Variants in ARHGAP25 observed in about 807,000 individuals in gnomAD.
The protein encoded by ARHGAP25 is Rho GTPase activating protein 25.
A neutral mutation model predicts 71.0 loss-of-function variants in ARHGAP25; 34 were observed. The observed-to-expected ratio is 0.48, with a 90% confidence interval of 0.36 to 0.64. The LOEUF (loss-of-function observed/expected upper bound fraction) is 0.64. ARHGAP25 is among the 30% of genes least tolerant of loss of function. The probability of loss-of-function intolerance (pLI) is 0.00; values close to 1 mark genes in which losing one functional copy is unlikely to be tolerated. For missense variants in ARHGAP25, 706 were observed against 805.1 expected (o/e 0.88, Z 1.49); for synonymous variants, 282 against 296.5 (o/e 0.95, Z 0.50).
intron 3 of ARHGAP25, among the ~76,000 whole-genome samples, chr2:68,783,803 C>T (rs143718376): frequency 6.6e-6 from 1 of 152,252 alleles, no homozygotes; most frequent in African/African-American, 2.4e-5. Flanking sequence ...TCCTCTCTTT[C>T]TCTTCAGAGG....
At chr2:68,712,777 A>G (rs1028485001) in intron 2 of ARHGAP25, among the ~76,000 whole-genome samples, 3 of 152,144 alleles carry the variant, frequency 2.0e-5, no homozygotes, top group South Asian at 4.1e-4. Flanking sequence ...TCCTTTCCCT[A>G]TTGCTCGTTT....
At chr2:68,766,714 TTC>T (rs140846028) in intron 1 of ARHGAP25, among the ~76,000 whole-genome samples, 50 of 147,650 alleles carry the variant, frequency 3.4e-4, no homozygotes, top group Middle Eastern at 3.5e-3. Context: ...CTCTCTCCCC[TTC>T]TCTCTCTCTC....
upstream of ARHGAP25, among the ~76,000 whole-genome samples, chr2:68,734,560 G>C (rs1346806527): frequency 6.6e-6 from 1 of 152,180 alleles, no homozygotes; most frequent in Non-Finnish European, 1.5e-5. Context: ...TGATCCGTTA[G>C]GTGAGGAAGA....
upstream of ARHGAP25, among the ~76,000 whole-genome samples, chr2:68,732,917 A>G (rs1675061948): frequency 6.6e-6 from 1 of 152,192 alleles, no homozygotes; most frequent in African/African-American, 2.4e-5. Flanking sequence ...TTAGTTTGAG[A>G]TGGCTACTAT....
At position 68,780,922 on chromosome 2, in the gene ARHGAP25, C is replaced by T. The variant is rs1327945566; in HGVS notation, c.262-1311C>T. Reference sequence around the variant, plus strand: ...ACTCAACTCAGAATCAGGCCTGCTACCTTCAACAGCCAGCGAGGTGTAAAT... The same window carrying T: ...ACTCAACTCAGAATCAGGCCTGCTATCTTCAACAGCCAGCGAGGTGTAAAT... On this transcript the variant is annotated intron_variant, in intron 2 of 10. Coordinates refer to ENST00000409202, the MANE Select transcript of ARHGAP25 (RefSeq NM_001007231.3). Among the ~76,000 whole-genome samples the T allele has an allele frequency of 3.9e-5, 6 of 152,184 alleles. No individual in the cohort carries two copies. In the East Asian group the frequency reaches 1.2e-3, roughly 29 times the overall value.
At chr2:68,761,898 A>G (rs1221603679) in intron 1 of ARHGAP25, among the ~76,000 whole-genome samples, 1 of 152,230 alleles carries the variant, frequency 6.6e-6, no homozygotes, top group Non-Finnish European at 1.5e-5. Flanking sequence ...TACTCAAAGA[A>G]TTGAAAACAG....
chr2:68,803,196 A>G (rs145700194), intron 4 of ARHGAP25, among the ~76,000 whole-genome samples: 49 of 152,354 alleles, frequency 3.2e-4, no homozygotes, highest in Non-Finnish European at 6.0e-4. Flanking sequence ...GATGGAGCAC[A>G]GTCAAAGACA....
intron 2 of ARHGAP25, among the ~76,000 whole-genome samples, chr2:68,778,723 C>T (rs1294918194): frequency 6.6e-6 from 1 of 152,128 alleles, no homozygotes; most frequent in South Asian, 2.1e-4. Context: ...TCTGGGTCTA[C>T]GAAGTTCCAA....
Position 68,749,894 on chromosome 2 carries a change from T to G in ARHGAP25, c.61+14634T>G, listed in dbSNP as rs115796116. Among the ~76,000 whole-genome samples, 1,369 of 152,358 alleles carry G rather than the reference T, an allele frequency of 9.0e-3. 21 individuals are homozygous for G. The highest frequency in any genetic ancestry group is 0.031 in the African/African-American group (1,301 of 41,578). ...ACACATTCCCAAAATGTTTGCAATT[T>G]TGTTACTTTATCATAGTGGTTTTGA... is the stretch of plus-strand genomic sequence containing the variant. On this transcript the variant is annotated intron_variant, in intron 1 of 10. Coordinates refer to ENST00000409202, the MANE Select transcript of ARHGAP25 (RefSeq NM_001007231.3).
intron 9 of ARHGAP25, among the ~76,000 whole-genome samples, chr2:68,822,084 A>T (rs1028825973): frequency 6.6e-6 from 1 of 152,036 alleles, no homozygotes; most frequent in Non-Finnish European, 1.5e-5. Flanking sequence ...TTACATAAGG[A>T]TCCTACTTTA....
intron 1 of ARHGAP25, among the ~76,000 whole-genome samples, chr2:68,741,714 C>G (rs955509819): frequency 6.6e-6 from 1 of 152,138 alleles, no homozygotes; most frequent in South Asian, 2.1e-4. Context: ...CTTCAGATTT[C>G]CTACTTTTTA....
intron 7 of ARHGAP25, 122 bp downstream of exon 7, chr2:68,816,484 G>C (rs1418367403): frequency 1.3e-6 from 1 of 785,546 alleles, no homozygotes; most frequent in East Asian, 2.6e-5. Context: ...TGGAAGATCA[G>C]CTGTATTCAC....
At chr2:68,784,982 G>A (rs1678646427) in intron 3 of ARHGAP25, among the ~76,000 whole-genome samples, 1 of 152,194 alleles carries the variant, frequency 6.6e-6, no homozygotes, top group Non-Finnish European at 1.5e-5. Flanking sequence ...GGCAATGAGG[G>A]AGTCAGCTAA....
intron 2 of ARHGAP25, among the ~76,000 whole-genome samples, chr2:68,727,622 G>A (rs1426529723): frequency 9.9e-5 from 15 of 152,228 alleles, no homozygotes; most frequent in Admixed American, 6.5e-4. Context: ...CTCTCCTGGA[G>A]TCTGTTCTTC....
intron 2 of ARHGAP25, among the ~76,000 whole-genome samples, chr2:68,724,345 C>T (rs10172004): frequency 0.29 from 43,892 of 152,080 alleles, 7,440 homozygotes; most frequent in African/African-American, 0.47. Context: ...GCTTAGACTA[C>T]CTGACACCTA....
chr2:68,802,831 C>T (rs1013991165), intron 4 of ARHGAP25, among the ~76,000 whole-genome samples: 2 of 151,752 alleles, frequency 1.3e-5, no homozygotes, highest in Admixed American at 6.6e-5. Context: ...AAATGTTGGT[C>T]ATTTGCATGA....
Position 68,767,499 on chromosome 2 carries a change from G to A in ARHGAP25, c.62-7722G>A, listed in dbSNP as rs961025572. 3.9e-5 allele frequency among the ~76,000 whole-genome samples: 6 copies of A among 152,104 alleles called. No individual in the cohort carries two copies. Among genetic ancestry groups the A allele is most frequent in the Non-Finnish European group, 7.3e-5 (5 of 68,030 alleles). Reference sequence around the variant, plus strand: ...GTATGAATCTGTTTATCATTTTCAGGTGGTAGCAATGCCAGGTCTGCTGTT... The same window carrying A: ...GTATGAATCTGTTTATCATTTTCAGATGGTAGCAATGCCAGGTCTGCTGTT... On this transcript the variant is annotated intron_variant, in intron 1 of 10. Transcript: ENST00000409202. The surrounding 1 kb of genome is among the most constrained non-coding windows in gnomAD (Gnocchi z 4.6).
intron 2 of ARHGAP25, among the ~76,000 whole-genome samples, chr2:68,717,001 T>C (rs74473323): frequency 3.7e-4 from 57 of 152,366 alleles, no homozygotes; most frequent in African/African-American, 1.3e-3. Flanking sequence ...ACAATGAAGA[T>C]ATGTTCTGAG....
At chr2:68,825,168 G>A (rs1220025449) in intron 10 of ARHGAP25, among the ~76,000 whole-genome samples, 1 of 152,208 alleles carries the variant, frequency 6.6e-6, no homozygotes, top group East Asian at 1.9e-4. Flanking sequence ...CAGGACCACA[G>A]CTCCCCAAAG....
Sources: allele counts gnomAD v4.1 joint callset (sites outside exome capture counted in the v4.1 genomes callset), GRCh38; gene constraint gnomAD v4.1.1; non-coding constraint Gnocchi (gnomAD v3.1); transcripts MANE v1.5; gene names NCBI Gene and HGNC (gene_info 2026-07-23, HGNC 2026-07-21).